Variants in BFAR observed in about 807,000 individuals in gnomAD.
BFAR encodes RING finger protein 47.
In BFAR, 52 loss-of-function variants were observed where a neutral mutation model predicts 54.4. The ratio of observed to expected loss-of-function variants is 0.96; its 90% CI spans 0.77 to 1.21. The LOEUF (loss-of-function observed/expected upper bound fraction) is 1.21, where lower values mean the gene tolerates loss of function less well. BFAR is among the 50% of genes most tolerant of loss of function. The pLI, the probability that BFAR is intolerant of heterozygous loss-of-function variation, is 0.00. For missense variants in BFAR, 571 were observed against 534.0 expected, an observed-to-expected ratio of 1.07 and a Z score of -0.68; for synonymous variants, 215 against 204.3, an observed-to-expected ratio of 1.05 and a Z score of -0.45.
chr16:14,644,782 T>C (rs1188958099), intron 2 of BFAR, among the ~76,000 whole-genome samples, 173 bp downstream of exon 2: 1 of 151,744 alleles, frequency 6.6e-6, no homozygotes, highest in Non-Finnish European at 1.5e-5. Context: ...GCTGGGATTA[T>C]AGGTGTGAGC....
Position 14,668,078 on chromosome 16 carries a change from T to G in BFAR, c.*251T>G. 1.9e-6 allele frequency: 1 copy of G among 517,980 alleles called. No individual in the cohort carries two copies. Among genetic ancestry groups the G allele is most frequent in the Non-Finnish European group, 3.4e-6 (1 of 291,580 alleles). The allele number at this position is 517,980 out of a possible 1,614,324, so 32.1% of individuals were successfully genotyped here. A position where few individuals can be genotyped will look rare whatever the true frequency, so the allele number is the denominator to read the frequency against. On this transcript the variant is annotated 3_prime_UTR_variant, in exon 8 of 8. Coordinates refer to ENST00000261658, the MANE Select transcript of BFAR (RefSeq NM_016561.3). ...CAGCAGCCCTTCCCACCCAGCCACC[T>G]TCCTCACAGGGACTAGGAGGCTCAG... is the stretch of plus-strand genomic sequence containing the variant.
chr16:14,651,552 A>G (rs1307860364), intron 4 of BFAR, among the ~76,000 whole-genome samples: 1 of 151,766 alleles, frequency 6.6e-6, no homozygotes, highest in Non-Finnish European at 1.5e-5. Flanking sequence ...CACAACCTCA[A>G]CTCAACTGCA....
intron 1 of BFAR, among the ~76,000 whole-genome samples, chr16:14,642,597 G>A (rs1171237636): frequency 6.6e-6 from 1 of 152,166 alleles, no homozygotes; most frequent in East Asian, 1.9e-4. Flanking sequence ...CAGAGGGCAT[G>A]AGATGCATTT....
At chr16:14,664,197 C>T (rs1469016163) in intron 6 of BFAR, among the ~76,000 whole-genome samples, 1 of 151,990 alleles carries the variant, frequency 6.6e-6, no homozygotes. Context: ...GGCTTGTATA[C>T]ATAGGGAAGG....
At chr16:14,659,055 G>A (rs1415036888) in intron 5 of BFAR, among the ~76,000 whole-genome samples, 2 of 142,698 alleles carry the variant, frequency 1.4e-5, no homozygotes, top group Non-Finnish European at 3.1e-5. Flanking sequence ...CTACAGGTGT[G>A]CGCCTCCATG....
intron 6 of BFAR, among the ~76,000 whole-genome samples, chr16:14,662,677 C>T (rs1043270030): frequency 1.3e-5 from 2 of 152,006 alleles, no homozygotes; most frequent in Non-Finnish European, 2.9e-5. Context: ...GCACCACCAC[C>T]CAGCTAATTG....
chr16:14,641,058 T>C, intron 1 of BFAR, among the ~76,000 whole-genome samples: 1 of 152,258 alleles, frequency 6.6e-6, no homozygotes, highest in Admixed American at 6.5e-5. Context: ...GTTTGCTGTT[T>C]TGTAGATTTT....
chr16:14,651,088 G>A (rs1198453120), intron 4 of BFAR, among the ~76,000 whole-genome samples: 1 of 152,176 alleles, frequency 6.6e-6, no homozygotes, highest in African/African-American at 2.4e-5. Flanking sequence ...CCAGCTGGAT[G>A]TCCTCTAATT....
At chr16:14,663,576 C>T (rs1174458822) in intron 6 of BFAR, among the ~76,000 whole-genome samples, 2 of 151,974 alleles carry the variant, frequency 1.3e-5, no homozygotes, top group Non-Finnish European at 2.9e-5. Context: ...CGTAATCCGC[C>T]CTCCTCAGCC....
At chr16:14,655,008 TAG>T (rs1374840557) in intron 4 of BFAR, 56 bp from the exon 5 acceptor site, 6 of 1,447,522 alleles carry the variant, frequency 4.1e-6, no homozygotes, top group African/African-American at 2.9e-5. Flanking sequence ...ACTCTGAGTG[TAG>T]AGAGTTTGCT....
chr16:14,660,159 C>T (rs1960250126), intron 5 of BFAR, among the ~76,000 whole-genome samples: 1 of 151,724 alleles, frequency 6.6e-6, no homozygotes, highest in East Asian at 1.9e-4. Flanking sequence ...GCAGTGATCT[C>T]CACTGGACAC....
rs753790123 is a variant in BFAR, at chr16:14,644,433, T to C, written c.87T>C (p.Val29=). The C allele has an allele frequency of 1.3e-5, 21 of 1,613,868 alleles. 1 individual carries two copies. In the East Asian group the frequency reaches 4.2e-4, roughly 33 times the overall value. ...AAAGCACCGGCCCTCAGATTTCTGTTAGTGAATTTTCTTGCCACTGCTGCT... is the reference window on the plus strand; with the variant it reads ...AAAGCACCGGCCCTCAGATTTCTGTCAGTGAATTTTCTTGCCACTGCTGCT... ...PLKSTGPQIS[V]SEFSCHCCYD... is the part of the protein sequence containing the mutation. The change falls in exon 2 of 8, where the codon GTT becomes GTC. Residue 29 remains valine, a synonymous_variant. Transcript: ENST00000261658.
chr16:14,647,452 T>C (rs1415901340), intron 2 of BFAR, among the ~76,000 whole-genome samples: 1 of 151,946 alleles, frequency 6.6e-6, no homozygotes, highest in Non-Finnish European at 1.5e-5. Flanking sequence ...TCCCAGTACC[T>C]TGGGAGGACC....
intron 1 of BFAR, among the ~76,000 whole-genome samples, chr16:14,638,781 T>C (rs1959531914): frequency 6.6e-6 from 1 of 151,838 alleles, no homozygotes; most frequent in Non-Finnish European, 1.5e-5. Flanking sequence ...CCCATCTCTA[T>C]TAAAAATACA....
intron 5 of BFAR, among the ~76,000 whole-genome samples, chr16:14,657,897 A>ATTT (rs869240446): frequency 1.3e-5 from 2 of 151,688 alleles, no homozygotes; most frequent in Non-Finnish European, 2.9e-5. Flanking sequence ...TTAAAAAAAA[A>ATTT]TTTTTTTTTG....
At chr16:14,637,690 A>T (rs1006077281) in intron 1 of BFAR, among the ~76,000 whole-genome samples, 2 of 152,098 alleles carry the variant, frequency 1.3e-5, no homozygotes, top group African/African-American at 4.8e-5. Flanking sequence ...TTAGCCAGGC[A>T]TGGTGGCGCC....
At chr16:14,666,043 C>T (rs1960432510) in intron 7 of BFAR, among the ~76,000 whole-genome samples, 1 of 152,190 alleles carries the variant, frequency 6.6e-6, no homozygotes, top group South Asian at 2.1e-4. Context: ...TCAGGCATCT[C>T]TCTTCATGTG....
chr16:14,648,395 A>G lies in BFAR; in HGVS notation c.271A>G (p.Ile91Val). Residue 91 changes from isoleucine (I) to valine (V), a missense_variant, in exon 3 of 8, where the codon ATT (isoleucine) becomes GTT (valine). Transcript: ENST00000261658. ...TTTTTCTATTCTCCATAGGGATGCC[A>G]TTGAAAAGTTATTTCCTGATGCCAT... ...PKVSILLRDA[I>V]EKLFPDAIRL... 3 of 1,611,510 alleles carry G rather than the reference A, an allele frequency of 1.9e-6. No individual in the cohort carries two copies. The highest frequency in any genetic ancestry group is 2.5e-6 in the Non-Finnish European group (3 of 1,177,908).
chr16:14,655,040 A>G, intron 4 of BFAR, 26 bp from the exon 5 acceptor site: 1 of 1,581,010 alleles, frequency 6.3e-7, no homozygotes, highest in Admixed American at 1.9e-5. Context: ...TAATCGCAAA[A>G]TAAATCTCCT....
Sources: gnomAD v4.1 joint callset for allele counts (sites outside exome capture counted in the v4.1 genomes callset) on GRCh38, gnomAD v4.1.1 for gene constraint, MANE v1.5 for transcripts, NCBI Gene and HGNC (gene_info 2026-07-23, HGNC 2026-07-21) for gene names.